Variants in STAU1 observed in about 807,000 individuals in gnomAD.
STAU1 encodes the protein double-stranded RNA-binding protein Staufen homolog 1.
STAU1 carries 13 observed loss-of-function variants against 62.9 expected under a neutral mutation model. That is an observed-to-expected ratio of 0.21 (90% CI 0.13 to 0.33). The LOEUF (loss-of-function observed/expected upper bound fraction) is 0.33, where lower values mean the gene tolerates loss of function less well. Among genes scored for constraint, STAU1 ranks in the 10% least tolerant of loss-of-function variants. STAU1 has a pLI of 1.00. For synonymous variants in STAU1, 269 were observed against 265.1 expected (o/e 1.01, Z -0.14); for missense variants, 571 against 712.1 (o/e 0.80, Z 2.25).
At chr20:49,165,400 AC>A (rs557711032) in intron 3 of STAU1, among the ~76,000 whole-genome samples, 147 of 151,794 alleles carry the variant, frequency 9.7e-4, no homozygotes, top group Middle Eastern at 3.4e-3. Context: ...GTGAAGTGGC[AC>A]AGTCTCAGCT....
rs1331976406 is a variant in STAU1 at position 49,113,913 on chromosome 20, A to T, written c.*965T>A. ...TTTAATAATCTTTAAAACAGAGATC[A>T]AAGTTCATTTAAGTCCTGTTTGCAT... On this transcript the variant is annotated 3_prime_UTR_variant, in exon 14 of 14. Coordinates refer to ENST00000371856, the MANE Select transcript of STAU1 (RefSeq NM_017453.4). 6.5e-6 allele frequency: 1 copy of T among 152,700 alleles called. No homozygotes were observed. Among genetic ancestry groups the T allele is most frequent in the Non-Finnish European group, 1.5e-5 (1 of 68,052 alleles). 9.5% of individuals were successfully genotyped at this position (152,700 alleles called of 1,614,324 possible).
chr20:49,145,715 C>T (rs1320516032), intron 5 of STAU1, among the ~76,000 whole-genome samples: 5 of 150,988 alleles, frequency 3.3e-5, no homozygotes, highest in Admixed American at 1.3e-4. Flanking sequence ...GGCAACAGAG[C>T]GAGACTCCGT....
chr20:49,174,978 G>C (rs2093641643), intron 1 of STAU1, among the ~76,000 whole-genome samples: 1 of 150,676 alleles, frequency 6.6e-6, no homozygotes, highest in Admixed American at 6.6e-5. Context: ...GGCCAACATG[G>C]GGAAACCCAT....
chr20:49,163,690 G>A (rs1473282274), intron 3 of STAU1, among the ~76,000 whole-genome samples: 1 of 152,128 alleles, frequency 6.6e-6, no homozygotes, highest in Non-Finnish European at 1.5e-5. Context: ...CCTCCCAAGT[G>A]CTGGGATTAT....
chr20:49,140,503 A>G (rs530698913), intron 5 of STAU1, among the ~76,000 whole-genome samples: 4 of 152,318 alleles, frequency 2.6e-5, no homozygotes, highest in Admixed American at 2.6e-4. Flanking sequence ...GAAACATGCT[A>G]TAACAGAGAC....
the STAU1 span, among the ~76,000 whole-genome samples, chr20:49,197,659 C>T: frequency 1.0e-3 from 153 of 152,072 alleles, no homozygotes; most frequent in Non-Finnish European, 1.8e-3. Context: ...TCCTCGGCCT[C>T]CCAAAGTGCT....
At chr20:49,165,279 G>A (rs560505723) in intron 3 of STAU1, among the ~76,000 whole-genome samples, 7 of 150,012 alleles carry the variant, frequency 4.7e-5, no homozygotes, top group Non-Finnish European at 7.4e-5. Flanking sequence ...TCATGACCTC[G>A]TGATCTGCCC....
chr20:49,124,143 G>A (rs940114693), intron 7 of STAU1, among the ~76,000 whole-genome samples: 6 of 152,158 alleles, frequency 3.9e-5, no homozygotes, highest in East Asian at 1.9e-4. Context: ...TGTGATGAGC[G>A]CCCTCCTGCA....
intron 1 of STAU1, among the ~76,000 whole-genome samples, chr20:49,183,822 A>T (rs1032325965): frequency 1.3e-5 from 2 of 152,240 alleles, no homozygotes; most frequent in African/African-American, 4.8e-5. Flanking sequence ...GATACAAACA[A>T]GAGTTAGGTT....
At chr20:49,207,280 T>C in the STAU1 span, among the ~76,000 whole-genome samples, 9 of 150,924 alleles carry the variant, frequency 6.0e-5, no homozygotes, top group Non-Finnish European at 1.3e-4. Context: ...TATGAGCACC[T>C]GCCAAGTCAG....
Position 49,123,015 on chromosome 20 carries a change from C to T in STAU1, c.966+77G>A, listed in dbSNP as rs545076754. ...GATCCAGCCTCCTCAGGAAGGTGTC[C>T]AGACCTTGAACCGCCATCAGCCCCC... On this transcript the variant is annotated intron_variant, in intron 8 of 13. Coordinates refer to ENST00000371856, the MANE Select transcript of STAU1 (RefSeq NM_017453.4). 7.6e-4 allele frequency: 1,120 copies of T among 1,473,462 alleles called. 4 individuals carry two copies. The highest frequency in any genetic ancestry group is 7.3e-4 in the Non-Finnish European group (814 of 1,112,040). 91.3% of individuals were successfully genotyped at this position (1,473,462 alleles called of 1,614,324 possible).
At position 49,130,167 on chromosome 20, in the gene STAU1, A is replaced by C. The variant is rs2092721049; in HGVS notation, c.610-5580T>G. ...GGAACAAACTACTGAAACACACAAC[A>C]GCATGAATAATGACTCCAAGCTAAG... On this transcript the variant is annotated intron_variant, in intron 6 of 13. Transcript: ENST00000371856. Among the ~76,000 whole-genome samples, 3 of 152,232 alleles carry C rather than the reference A, an allele frequency of 2.0e-5. No homozygotes were observed. The South Asian group carries it at 6.2e-4, about 31-fold the overall frequency.
At chr20:49,183,539 C>T (rs1396061462) in intron 1 of STAU1, among the ~76,000 whole-genome samples, 2 of 152,186 alleles carry the variant, frequency 1.3e-5, no homozygotes, top group African/African-American at 4.8e-5. Flanking sequence ...CATCTTTATA[C>T]TGAATTACAC....
At chr20:49,176,439 CAGT>C (rs770012657) in intron 1 of STAU1, among the ~76,000 whole-genome samples, 1 of 152,110 alleles carries the variant, frequency 6.6e-6, no homozygotes, top group Non-Finnish European at 1.5e-5. Context: ...TGGTAGTTGT[CAGT>C]AGTAACACAG....
chr20:49,120,166 C>A, intron 8 of STAU1, 38 bp from the exon 9 acceptor site: 1 of 1,576,688 alleles, frequency 6.3e-7, no homozygotes, highest in Non-Finnish European at 8.6e-7. Context: ...AGTGCTTAAA[C>A]CTTCAGAATA....
intron 5 of STAU1, among the ~76,000 whole-genome samples, chr20:49,144,140 T>C (rs1468892431): frequency 6.6e-6 from 1 of 152,240 alleles, no homozygotes; most frequent in Non-Finnish European, 1.5e-5. Flanking sequence ...AATCCAGTTA[T>C]TTTTGTCATT....
chr20:49,120,024 C>T lies in STAU1; in HGVS notation c.1071G>A (p.Pro357=), dbSNP rs199875251. 57 of 1,614,036 alleles carry T rather than the reference C, an allele frequency of 3.5e-5. 1 individual carries two copies. The highest frequency in any genetic ancestry group is 5.5e-5 in the South Asian group (5 of 91,076). ...GTGCGGGTTTGGTGGGCTGCGCCTG[C>T]GGGACTTTGAAACCAAGGATCTCCA... is the stretch of plus-strand genomic sequence containing the variant. ...NMLEILGFKV[P]QAQPTKPALK... The change falls in exon 9 of 14, where the codon CCG becomes CCA. Residue 357 remains proline (P), a synonymous_variant. Transcript: ENST00000371856.
chr20:49,126,577 A>AAAAAAAAAACAAAAAAAAAAAC (rs2092620896), intron 6 of STAU1, among the ~76,000 whole-genome samples: 1 of 35,042 alleles, frequency 2.9e-5, no homozygotes, highest in Non-Finnish European at 5.4e-5. Context: ...CAAAAAGCAA[A>AAAAAAAAAACAAAAAAAAAAAC]AAAAAAAAAA....
upstream of STAU1, chr20:49,188,393 C>G (rs1315039037): frequency 6.6e-6 from 1 of 151,620 alleles, no homozygotes; most frequent in Non-Finnish European, 1.5e-5. Context: ...GGCGCCCGCC[C>G]CCGGCCCCCG....
Sources: gnomAD v4.1 joint callset for allele counts (sites outside exome capture counted in the v4.1 genomes callset) on GRCh38, gnomAD v4.1.1 for gene constraint, MANE v1.5 for transcripts, NCBI Gene and HGNC (gene_info 2026-07-23, HGNC 2026-07-21) for gene names.